The following FGF12 variants were observed in gnomAD, a reference collection of about 807,000 sequenced individuals.
The protein encoded by FGF12 is fibroblast growth factor 12B.
Under a neutral mutation model 23.6 loss-of-function variants are expected in FGF12, and 14 were observed. The observed-to-expected ratio is 0.59, with a 90% CI of 0.39 to 0.93. The LOEUF (loss-of-function observed/expected upper bound fraction) is 0.93. Among genes scored for constraint, FGF12 ranks in the 40% least tolerant of loss-of-function variants. FGF12 has a pLI of 0.00. For synonymous variants in FGF12, 62 were observed against 77.3 expected, an observed-to-expected ratio of 0.80 and a Z score of 1.04; for missense variants, 175 against 217.8, an observed-to-expected ratio of 0.80 and a Z score of 1.24.
In FGF12 at chr3:192,315,261, C is replaced by CGTT. The variant is rs532620282; in HGVS notation, c.228+20097_228+20099dup. 1.3e-3 allele frequency among the ~76,000 whole-genome samples: 204 copies of CGTT among 152,058 alleles called. 1 individual carries two copies. The highest frequency in any genetic ancestry group is 4.5e-3 in the African/African-American group (187 of 41,482). On this transcript the variant is annotated intron_variant, in intron 4 of 5. Coordinates refer to ENST00000445105, the MANE Select transcript of FGF12 (RefSeq NM_004113.6). ...CACAGGTGTTTAAAATTTGTTTCGT[C>CGTT]GTTGTTGTTGTTGTTGTTTTATGTC...
intron 4 of FGF12, among the ~76,000 whole-genome samples, chr3:192,214,647 T>C (rs1213849950): frequency 6.6e-6 from 1 of 152,184 alleles, no homozygotes; most frequent in South Asian, 2.1e-4. Context: ...CGAGCAGAAA[T>C]AAGCATGGAG....
At chr3:192,693,393 T>C (rs1718007336) in intron 2 of FGF12, among the ~76,000 whole-genome samples, 1 of 152,300 alleles carries the variant, frequency 6.6e-6, no homozygotes, top group South Asian at 2.1e-4. Flanking sequence ...AATTTCACTT[T>C]TCATGGAAAT....
Position 192,634,972 on chromosome 3 carries a change from G to A in FGF12, c.13+92209C>T, listed in dbSNP as rs567430152. On this transcript the variant is annotated intron_variant, in intron 2 of 5. Transcript: ENST00000445105. Reference sequence around the variant, plus strand: ...CCTCCCAGGTTCAAGCGATTCTCCCGCCTCAGCCTCCTGAGTAGCTGGGAT... The same window carrying A: ...CCTCCCAGGTTCAAGCGATTCTCCCACCTCAGCCTCCTGAGTAGCTGGGAT... 7.9e-5 allele frequency among the ~76,000 whole-genome samples: 12 copies of A among 152,086 alleles called. No homozygotes were observed. The South Asian group carries it at 1.7e-3, about 21-fold the overall frequency.
intron 2 of FGF12, among the ~76,000 whole-genome samples, chr3:192,695,043 C>T (rs983892585): frequency 5.9e-5 from 9 of 151,932 alleles, no homozygotes; most frequent in African/African-American, 1.9e-4. Context: ...AAAAAGATAA[C>T]TATGTGAGAC....
chr3:192,488,884 T>G (rs1196930537), intron 2 of FGF12, among the ~76,000 whole-genome samples: 1 of 152,074 alleles, frequency 6.6e-6, no homozygotes, highest in East Asian at 1.9e-4. Flanking sequence ...TCAACTGATT[T>G]CATGACAAAT....
At chr3:192,407,010 C>T (rs1720980848) in intron 2 of FGF12, among the ~76,000 whole-genome samples, 1 of 152,200 alleles carries the variant, frequency 6.6e-6, no homozygotes, top group Non-Finnish European at 1.5e-5. Flanking sequence ...GGCTCTGCAG[C>T]CACAACCCAG....
chr3:192,545,957 T>C (rs978691755), intron 2 of FGF12, among the ~76,000 whole-genome samples: 2 of 152,248 alleles, frequency 1.3e-5, no homozygotes, highest in African/African-American at 4.8e-5. Flanking sequence ...AGGATCTCTA[T>C]GCTCTGAATG....
intron 4 of FGF12, among the ~76,000 whole-genome samples, chr3:192,331,554 T>G (rs908044881): frequency 6.6e-6 from 1 of 152,120 alleles, no homozygotes; most frequent in Non-Finnish European, 1.5e-5. Context: ...CACAGATGAA[T>G]GTTGAGAACA....
At chr3:192,263,916 A>T (rs947267183) in intron 4 of FGF12, among the ~76,000 whole-genome samples, 1 of 152,050 alleles carries the variant, frequency 6.6e-6, no homozygotes, top group Non-Finnish European at 1.5e-5. Context: ...TTCTTCTTTG[A>T]CTCAAAATCA....
At chr3:192,452,668 C>A (rs1476976118) in intron 2 of FGF12, among the ~76,000 whole-genome samples, 1 of 152,218 alleles carries the variant, frequency 6.6e-6, no homozygotes, top group Non-Finnish European at 1.5e-5. Flanking sequence ...GAATCACACC[C>A]CTCTGGAGTT....
chr3:192,232,914 C>T (rs1055182505), intron 4 of FGF12, among the ~76,000 whole-genome samples: 8 of 152,192 alleles, frequency 5.3e-5, no homozygotes, highest in African/African-American at 1.4e-4. Flanking sequence ...TAGTATTCCA[C>T]GACGTACATG....
Position 192,479,705 on chromosome 3 carries a change from T to C in FGF12, c.14-119167A>G, listed in dbSNP as rs1337154391. On this transcript the variant is annotated intron_variant, in intron 2 of 5. Transcript: ENST00000445105. ...CTCATGACAATGCTACCCAGTTCATTTGGTCCATTTTAACTGAATGCCTCC... is the reference window on the plus strand; with the variant it reads ...CTCATGACAATGCTACCCAGTTCATCTGGTCCATTTTAACTGAATGCCTCC... 1.3e-5 allele frequency among the ~76,000 whole-genome samples: 2 copies of C among 152,154 alleles called. 1 individual carries two copies. The highest frequency in any genetic ancestry group is 2.9e-5 in the Non-Finnish European group (2 of 68,024).
intron 2 of FGF12, among the ~76,000 whole-genome samples, chr3:192,402,474 C>T (rs982873629): frequency 2.6e-5 from 4 of 152,242 alleles, no homozygotes; most frequent in African/African-American, 7.2e-5. Context: ...ACCATGTAAT[C>T]ACGTTCCACA....
intron 5 of FGF12, among the ~76,000 whole-genome samples, chr3:192,158,332 C>T (rs79674263): frequency 0.11 from 12,450 of 111,684 alleles, 792 homozygotes; most frequent in African/African-American, 0.16. Context: ...TTCTTTCTTT[C>T]TCTTTCTTTC....
chr3:192,208,100 G>A (rs1560192741), intron 4 of FGF12, among the ~76,000 whole-genome samples: 1 of 152,200 alleles, frequency 6.6e-6, no homozygotes, highest in Non-Finnish European at 1.5e-5. Flanking sequence ...TGATAGAGGC[G>A]GAGAAAGTCA....
intron 2 of FGF12, among the ~76,000 whole-genome samples, chr3:192,475,454 G>A (rs1723292227): frequency 6.6e-6 from 1 of 152,212 alleles, no homozygotes; most frequent in Non-Finnish European, 1.5e-5. Flanking sequence ...AGAGCATGAT[G>A]CACAAGGTTG....
intron 4 of FGF12, among the ~76,000 whole-genome samples, chr3:192,247,914 A>G (rs1330148838): frequency 6.6e-6 from 1 of 152,228 alleles, no homozygotes; most frequent in African/African-American, 2.4e-5. Context: ...CACATATTGT[A>G]ATGTCTAAAA....
intron 4 of FGF12, among the ~76,000 whole-genome samples, chr3:192,225,615 A>G (rs1196704506): frequency 6.6e-6 from 1 of 152,132 alleles, no homozygotes; most frequent in Admixed American, 6.6e-5. Context: ...TTATATATAT[A>G]TAAGATAATT....
chr3:192,192,129 A>G (rs1294728909), intron 4 of FGF12, among the ~76,000 whole-genome samples: 1 of 152,154 alleles, frequency 6.6e-6, no homozygotes, highest in East Asian at 1.9e-4. Flanking sequence ...TTAACATGCT[A>G]AATGAAGATC....
Sources: gnomAD v4.1 joint callset for allele counts (sites outside exome capture counted in the v4.1 genomes callset) on GRCh38, gnomAD v4.1.1 for gene constraint, MANE v1.5 for transcripts, NCBI Gene and HGNC (gene_info 2026-07-23, HGNC 2026-07-21) for gene names.